POLR1C: variants seen among roughly 807,000 people sequenced by gnomAD.
POLR1C encodes the protein RNA polymerase I and III subunit C.
A neutral mutation model predicts 38.3 loss-of-function variants in POLR1C; 42 were observed. The observed-to-expected ratio is 1.10, with a 90% confidence interval of 0.86 to 1.42. POLR1C has a LOEUF of 1.42. Among genes scored for constraint, POLR1C ranks in the 40% most tolerant of loss-of-function variants. The probability of loss-of-function intolerance (pLI) is 0.00; values close to 1 mark genes in which losing one functional copy is unlikely to be tolerated. For synonymous variants in POLR1C, 163 were observed against 163.9 expected (o/e 0.99, Z 0.04); for missense variants, 507 against 450.5 (o/e 1.13, Z -1.14).
At chr6:43,538,376 C>T (rs1794483324) in intron 9 of POLR1C, among the ~76,000 whole-genome samples, 1 of 151,934 alleles carries the variant, frequency 6.6e-6, no homozygotes, top group African/African-American at 2.4e-5. Flanking sequence ...GTCTCAAACT[C>T]TTAGCCTCAA....
At chr6:43,526,359 G>A (rs148334078), downstream of POLR1C, 14 of 420,476 alleles carry the variant, frequency 3.3e-5, no homozygotes, top group African/African-American at 2.8e-4. Context: ...GAAGAATAAA[G>A]CAGAGGAATA....
At chr6:43,544,759 C>T (rs1348348768) in intron 9 of POLR1C, among the ~76,000 whole-genome samples, 1 of 152,180 alleles carries the variant, frequency 6.6e-6, no homozygotes, top group Non-Finnish European at 1.5e-5. Context: ...TTAATAAAAA[C>T]ATCACGATAG....
intron 9 of POLR1C, among the ~76,000 whole-genome samples, chr6:43,544,538 G>A (rs115861118): frequency 1.8e-3 from 279 of 152,316 alleles, no homozygotes; most frequent in African/African-American, 4.4e-3. Context: ...TCTGGCCACA[G>A]GCCTAAAAAG....
At chr6:43,548,158 T>G (rs957878348) in intron 9 of POLR1C, 1 of 1,145,380 alleles carries the variant, frequency 8.7e-7, no homozygotes, top group African/African-American at 1.6e-5. Context: ...GATAATGCCA[T>G]CACACTTCAA....
At chr6:43,529,927 A>AAAAAAAAT (rs58315355), downstream of POLR1C, among the ~76,000 whole-genome samples, 1 of 150,476 alleles carries the variant, frequency 6.6e-6, no homozygotes, top group Non-Finnish European at 1.5e-5. Flanking sequence ...AAAAAAAAAA[A>AAAAAAAAT]GTGCTTCTAA....
chr6:43,540,203 A>G (rs1034397147), intron 9 of POLR1C, among the ~76,000 whole-genome samples: 2 of 152,206 alleles, frequency 1.3e-5, no homozygotes, highest in African/African-American at 4.8e-5. Flanking sequence ...CAGGCTGGCA[A>G]ACATGGTGAA....
At chr6:43,528,838 T>C in intron 8 of POLR1C, 2 of 1,613,590 alleles carry the variant, frequency 1.2e-6, no homozygotes, top group Non-Finnish European at 1.7e-6. Context: ...CATATGGAGG[T>C]AGGTGAAAAG....
At chr6:43,560,425 T>C in intron 10 of POLR1C, 1 of 1,239,046 alleles carries the variant, frequency 8.1e-7, no homozygotes, top group Non-Finnish European at 1.1e-6. Context: ...TTTGAAGCTG[T>C]CTCTACTGCA....
chr6:43,535,813 C>CAAA (rs60341205), intron 9 of POLR1C, among the ~76,000 whole-genome samples: 6 of 71,832 alleles, frequency 8.4e-5, no homozygotes, highest in African/African-American at 2.4e-4. Flanking sequence ...GACTCCATCT[C>CAAA]AAAAAAAAAA....
intron 7 of POLR1C, 61 bp from the exon 8 acceptor site, chr6:43,520,870 TG>T: frequency 6.2e-7 from 1 of 1,600,982 alleles, no homozygotes; most frequent in Middle Eastern, 1.7e-4. Context: ...AAGTATAACC[TG>T]GTTTGCTACC....
downstream of POLR1C, chr6:43,525,983 C>G: frequency 6.3e-7 from 1 of 1,584,208 alleles, no homozygotes. Flanking sequence ...ATATCTTGTT[C>G]TGACAGAAGC....
At position 43,529,213 on chromosome 6, in the gene POLR1C, A is replaced by G. The variant is rs200844834; in HGVS notation, c.923-36A>G. On this transcript the variant is annotated intron_variant, in intron 8 of 8. Transcript: ENST00000304004. ...AAATAGGAAGGAGGACATCCTTGTA[A>G]CAAACTCTCCTTCACCATTCTCCTT... The G allele has an allele frequency of 1.5e-4, 208 of 1,419,706 alleles. No homozygotes were observed. In the African/African-American group the frequency reaches 2.6e-3, roughly 18 times the overall value. The allele number at this position is 1,419,706 out of a possible 1,614,324, so 87.9% of individuals were successfully genotyped here.
chr6:43,549,682 T>C, intron 9 of POLR1C: 3 of 1,373,610 alleles, frequency 2.2e-6, no homozygotes, highest in Non-Finnish European at 3.0e-6. Context: ...TCACAATGAT[T>C]TTTCACAACC....
chr6:43,520,382 C>T lies in POLR1C; in HGVS notation c.610C>T (p.Pro204Ser). Residue 204 changes from proline (P) to serine (S), a missense_variant, in exon 6 of 9, where the codon CCT becomes TCT. Pro to Ser is a moderately conservative substitution (Grantham distance 74, BLOSUM62 -1). Coordinates refer to ENST00000642195, the MANE Select transcript of POLR1C (RefSeq NM_203290.4). Reference protein sequence around the residue: ...HDDILIAQLRPGQEIDLLMHC... With the variant: ...HDDILIAQLRSGQEIDLLMHC... ...TGATATCCTCATCGCTCAGCTGCGGCCTGGCCAAGAAATTGACCTGCTCAT... is the reference window on the plus strand; with the variant it reads ...TGATATCCTCATCGCTCAGCTGCGGTCTGGCCAAGAAATTGACCTGCTCAT... The T allele has an allele frequency of 2.5e-6, 4 of 1,613,838 alleles. No homozygotes were observed. Among genetic ancestry groups the T allele is most frequent in the Non-Finnish European group, 2.5e-6 (3 of 1,180,028 alleles).
intron 9 of POLR1C, chr6:43,549,965 T>C (rs777129282): frequency 1.9e-6 from 3 of 1,605,536 alleles, no homozygotes; most frequent in South Asian, 2.2e-5. Context: ...AGGTCACTCA[T>C]GTTTATTTGT....
At position 43,519,453 on chromosome 6, in the gene POLR1C, A is replaced by G; in HGVS notation, c.249+13A>G. 1.3e-6 allele frequency: 2 copies of G among 1,587,468 alleles called. No homozygotes were observed. The highest frequency in any genetic ancestry group is 1.7e-6 in the Non-Finnish European group (2 of 1,155,630). On this transcript the variant is annotated intron_variant, in intron 3 of 8. Coordinates refer to ENST00000642195, the MANE Select transcript of POLR1C (RefSeq NM_203290.4). Reference sequence around the variant, plus strand: ...TCTGCTAGCTGAGGTATTGGCAGGCATGGTGACAAGGCTGGAGTTGCTTTG... The same window carrying G: ...TCTGCTAGCTGAGGTATTGGCAGGCGTGGTGACAAGGCTGGAGTTGCTTTG...
At position 43,521,025 on chromosome 6, in the gene POLR1C, C is replaced by T. The variant is rs571910017; in HGVS notation, c.899C>T (p.Ala300Val). 44 of 1,614,054 alleles carry T rather than the reference C, an allele frequency of 2.7e-5. No individual in the cohort carries two copies. The South Asian group carries it at 4.7e-4, about 17-fold the overall frequency. The change falls in exon 8 of 9, where the codon GCC becomes GTC. Residue 300 changes from alanine (A) to valine (V), a missense_variant. Physicochemically the swap from Ala to Val is moderately conservative, Grantham distance 64 (BLOSUM62 0). Transcript: ENST00000642195. ...NEKLKKVVRL[A>V]RVRDHYIFSV... ...AAGCTAAAGAAGGTTGTGAGGCTTG[C>T]CCGGGTTCGAGATCATTATATCTGT...
rs1192410356 is a variant in POLR1C, at chr6:43,520,786, G to A, written c.805+12G>A. The A allele has an allele frequency of 6.2e-7, 1 of 1,613,204 alleles. No individual in the cohort carries two copies. The highest frequency in any genetic ancestry group is 1.7e-5 in the Admixed American group (1 of 60,016). The stretch of plus-strand genomic sequence containing the variant: ...GCAGGAAGTCCAAGGTATGGTATTT[G>A]GGATGCTGTTCAAGTTAGGACCTAA... On this transcript the variant is annotated intron_variant, in intron 7 of 8. Transcript: ENST00000642195.
intron 10 of POLR1C, among the ~76,000 whole-genome samples, chr6:43,556,453 G>C (rs183487319): frequency 6.6e-6 from 1 of 151,294 alleles, no homozygotes; most frequent in African/African-American, 2.4e-5. Flanking sequence ...TGAGCCCAGG[G>C]AGGTGAAGAT....
Sources: allele counts gnomAD v4.1 joint callset (sites outside exome capture counted in the v4.1 genomes callset), GRCh38; gene constraint gnomAD v4.1.1; transcripts MANE v1.5; gene names NCBI Gene and HGNC (gene_info 2026-07-23, HGNC 2026-07-21).